GK5: variants seen among roughly 807,000 people sequenced by gnomAD.
GK5 encodes the protein ATP:glycerol 3-phosphotransferase 5.
GK5 carries 39 observed loss-of-function variants against 77.3 expected under a neutral mutation model. The observed-to-expected ratio is 0.50, with a 90% confidence interval of 0.39 to 0.66. The LOEUF (loss-of-function observed/expected upper bound fraction) is 0.66, where lower values mean the gene tolerates loss of function less well. Ranked by LOEUF, GK5 falls within the 30% of genes least tolerant of loss-of-function variation. The pLI is 0.00. For missense variants in GK5, 487 were observed against 633.8 expected, an observed-to-expected ratio of 0.77 and a Z score of 2.49; for synonymous variants, 211 against 208.0, an observed-to-expected ratio of 1.01 and a Z score of -0.13.
At position 142,185,962 on chromosome 3, in the gene GK5, C is replaced by G. The variant is rs2063764373; in HGVS notation, c.783G>C (p.Glu261Asp). 1.9e-6 allele frequency: 3 copies of G among 1,610,168 alleles called. No individual in the cohort carries two copies. The highest frequency in any genetic ancestry group is 2.2e-5 in the East Asian group (1 of 44,780). Residue 261 changes from glutamate (E) to aspartate (D), a missense_variant, in exon 9 of 16, where the codon GAG (glutamate) becomes GAC (aspartate). By Grantham distance (45) the Glu-to-Asp change is conservative. Transcript: ENST00000392993. Reference protein sequence around the residue: ...TSHNFGSVDEEIFGVPIPIVA... With the variant: ...TSHNFGSVDEDIFGVPIPIVA... ...CTATTGGTATAGGCACACCAAATAT[C>G]TCTTCATCCACTGATCCAAAATTGT... is the stretch of plus-strand genomic sequence containing the variant.
At position 142,171,494 on chromosome 3, in the gene GK5, G is replaced by A. The variant is rs1393293415; in HGVS notation, c.1248-16C>T. On this transcript the variant is annotated splice_polypyrimidine_tract_variant and intron_variant, in intron 13 of 15. Coordinates refer to ENST00000392993, the MANE Select transcript of GK5 (RefSeq NM_001039547.3). ...CTGTTTGTTTCTAGTTAAAAAACAAGATAACTATTTATAAGAAATTCATAT... is the reference window on the plus strand; with the variant it reads ...CTGTTTGTTTCTAGTTAAAAAACAAAATAACTATTTATAAGAAATTCATAT... 16 of 1,386,124 alleles carry A rather than the reference G, an allele frequency of 1.2e-5. No individual in the cohort carries two copies. Among genetic ancestry groups the A allele is most frequent in the South Asian group, 8.3e-5 (6 of 72,118 alleles). 85.9% of individuals were successfully genotyped at this position (1,386,124 alleles called of 1,614,324 possible). A position where few individuals can be genotyped will look rare whatever the true frequency, so the allele number is the denominator to read the frequency against.
intron 11 of GK5, 55 bp downstream of exon 11, chr3:142,181,406 G>T: frequency 1.0e-6 from 1 of 986,350 alleles, no homozygotes; most frequent in Non-Finnish European, 1.6e-6. Flanking sequence ...CAATCCTGTG[G>T]CATTCTTGAA....
rs116816583 is a variant in GK5 at position 142,210,427 on chromosome 3, T to C, written c.317+3099A>G. 1.1e-3 allele frequency among the ~76,000 whole-genome samples: 170 copies of C among 152,292 alleles called. 2 individuals carry two copies. Among genetic ancestry groups the C allele is most frequent in the African/African-American group, 4.0e-3 (166 of 41,566 alleles). ...CCATCTGTGTTGTGTCCCGGCTGTTTGCTAGGGCTCTTGTGGAATCTGTCA... is the reference window on the plus strand; with the variant it reads ...CCATCTGTGTTGTGTCCCGGCTGTTCGCTAGGGCTCTTGTGGAATCTGTCA... On this transcript the variant is annotated intron_variant, in intron 3 of 15. Transcript: ENST00000392993.
At chr3:142,189,201 C>T (rs942460219) in intron 5 of GK5, among the ~76,000 whole-genome samples, 1 of 152,018 alleles carries the variant, frequency 6.6e-6, no homozygotes, top group African/African-American at 2.4e-5. Flanking sequence ...AGGTTCCCAG[C>T]AAATAGCAGA....
intron 3 of GK5, among the ~76,000 whole-genome samples, chr3:142,210,350 C>T (rs1368853386): frequency 6.6e-6 from 1 of 152,080 alleles, no homozygotes; most frequent in Non-Finnish European, 1.5e-5. Context: ...TCTGTCTCTC[C>T]TTTTCTCTCA....
intron 5 of GK5, among the ~76,000 whole-genome samples, chr3:142,188,513 G>A (rs1235799180): frequency 2.0e-5 from 3 of 152,198 alleles, no homozygotes; most frequent in Non-Finnish European, 2.9e-5. Context: ...GTGGCAGAGC[G>A]AGACTCCGTC....
At chr3:142,186,635 T>TTC in intron 6 of GK5, 122 bp from the exon 7 acceptor site, 1 of 437,008 alleles carries the variant, frequency 2.3e-6, no homozygotes, top group Non-Finnish European at 4.0e-6. Flanking sequence ...ATTTTCTTTT[T>TTC]TTTTTTTTTT....
At position 142,159,910 on chromosome 3, in the gene GK5, C is replaced by G. The variant is rs2063413338; in HGVS notation, c.*5712G>C. 1 of 149,982 alleles carries G rather than the reference C, an allele frequency of 6.7e-6. No homozygotes were observed. Among genetic ancestry groups the G allele is most frequent in the South Asian group, 2.1e-4 (1 of 4,748 alleles). The allele number at this position is 149,982 out of a possible 1,614,324, so 9.3% of individuals were successfully genotyped here. On this transcript the variant is annotated 3_prime_UTR_variant, in exon 16 of 16. Transcript: ENST00000392993. ...TCACCCAGGCTGGAATGCAGTGGCC[C>G]AATCTCGGCTCACTGCAACCTCCAC...
chr3:142,186,130 C>T lies in GK5; in HGVS notation c.755+64G>A, dbSNP rs572975546. The T allele has an allele frequency of 2.4e-6, 3 of 1,246,384 alleles. No homozygotes were observed. The South Asian group carries it at 3.7e-5, about 15-fold the overall frequency. 77.2% of individuals were successfully genotyped at this position (1,246,384 alleles called of 1,614,324 possible). On this transcript the variant is annotated intron_variant, in intron 8 of 15. Transcript: ENST00000392993. Reference sequence around the variant, plus strand: ...TCAAACATGTAATAAAATGCTTTTCCCCACGAAACAAAATGAATTCAAGAA... The same window carrying T: ...TCAAACATGTAATAAAATGCTTTTCTCCACGAAACAAAATGAATTCAAGAA...
intron 12 of GK5, chr3:142,173,198 CTA>C: frequency 2.6e-6 from 1 of 386,332 alleles, no homozygotes; most frequent in Admixed American, 3.1e-5. Flanking sequence ...GAGACAGGGT[CTA>C]AAAAAAAAAA....
chr3:142,193,993 G>A (rs1159717773), intron 5 of GK5, among the ~76,000 whole-genome samples: 5 of 152,088 alleles, frequency 3.3e-5, no homozygotes, highest in East Asian at 3.9e-4. Context: ...CACCCCCCTC[G>A]GCCTCCCAAA....
chr3:142,165,892 A>G, intron 15 of GK5, 122 bp from the exon 16 acceptor site: 1 of 598,602 alleles, frequency 1.7e-6, no homozygotes, highest in Non-Finnish European at 2.8e-6. Context: ...AAACAATCCA[A>G]AATACTTTGT....
At chr3:142,171,272 G>T (rs981647763) in intron 14 of GK5, 147 bp downstream of exon 14, 3 of 662,220 alleles carry the variant, frequency 4.5e-6, no homozygotes, top group Admixed American at 4.3e-5. Context: ...TTGTTGTGAA[G>T]GAGCTAAGCA....
At chr3:142,204,664 C>T (rs9830411) in intron 4 of GK5, 31 bp downstream of exon 4, 756,465 of 1,162,738 alleles carry the variant, frequency 0.65, 249,656 homozygotes, top group African/African-American at 0.68. Context: ...AAAAAACCAA[C>T]AATATCCAAA....
At chr3:142,186,422 G>A in intron 7 of GK5, 30 bp downstream of exon 7, 1 of 1,267,190 alleles carries the variant, frequency 7.9e-7, no homozygotes, top group Non-Finnish European at 1.1e-6. Context: ...AAAAATGTGT[G>A]ATTCAAAAAG....
chr3:142,171,718 ATT>A, intron 13 of GK5, among the ~76,000 whole-genome samples: 1 of 152,284 alleles, frequency 6.6e-6, no homozygotes, highest in South Asian at 2.1e-4. Flanking sequence ...CATAATTTAT[ATT>A]TTACAACTAA....
At chr3:142,219,892 C>T (rs2107800432) in intron 1 of GK5, among the ~76,000 whole-genome samples, 1 of 152,206 alleles carries the variant, frequency 6.6e-6, no homozygotes, top group South Asian at 2.1e-4. Flanking sequence ...TCACTTGAGT[C>T]CAGCAAGTAG....
chr3:142,216,078 A>G (rs754049406), intron 1 of GK5, among the ~76,000 whole-genome samples: 2 of 152,250 alleles, frequency 1.3e-5, no homozygotes, highest in African/African-American at 4.8e-5. Flanking sequence ...AAATACAAAT[A>G]TAACACCTGG....
chr3:142,225,222 G>A, intron 1 of GK5, 87 bp downstream of exon 1: 4 of 1,365,050 alleles, frequency 2.9e-6, no homozygotes, highest in Non-Finnish European at 3.8e-6. Context: ...GCGGTAGGTG[G>A]GGCCTGCCCG....
Sources: allele counts gnomAD v4.1 joint callset (sites outside exome capture counted in the v4.1 genomes callset), GRCh38; gene constraint gnomAD v4.1.1; transcripts MANE v1.5; gene names NCBI Gene and HGNC (gene_info 2026-07-23, HGNC 2026-07-21).